AGAP9: variants seen among roughly 807,000 people sequenced by gnomAD.
AGAP9 encodes the protein arf-GAP with GTPase, ANK repeat and PH domain-containing protein 9.
Under a neutral mutation model 55.6 loss-of-function variants are expected in AGAP9, and 23 were observed. The observed-to-expected ratio is 0.41, with a 90% CI of 0.30 to 0.59. The LOEUF is 0.59. AGAP9 is among the 20% of genes least tolerant of loss of function. AGAP9 has a pLI of 0.25. For missense variants in AGAP9, 309 were observed against 808.1 expected (o/e 0.38, Z 7.49); for synonymous variants, 120 against 305.0 (o/e 0.39, Z 6.32).
intron 4 of AGAP9, among the ~76,000 whole-genome samples, chr10:47,513,094 C>T (rs1356373584): frequency 8.3e-5 from 12 of 144,924 alleles, no homozygotes; most frequent in East Asian, 2.5e-4. Context: ...GTATGCAATG[C>T]GGTGATCTTG....
chr10:47,516,569 G>A (rs1840718781), intron 4 of AGAP9, among the ~76,000 whole-genome samples: 1 of 138,250 alleles, frequency 7.2e-6, no homozygotes, highest in South Asian at 2.3e-4. Flanking sequence ...GGACTCAGGA[G>A]ATCCCACACA....
At chr10:47,504,825 GC>G (rs1414089093) in intron 6 of AGAP9, among the ~76,000 whole-genome samples, 3 of 138,934 alleles carry the variant, frequency 2.2e-5, no homozygotes, top group African/African-American at 8.0e-5. Flanking sequence ...CTTCCAGAAG[GC>G]CTAAGAGGTC....
chr10:47,502,217 C>T lies in AGAP9; in HGVS notation c.1912G>A (p.Val638Ile). 2 of 1,565,202 alleles carry T rather than the reference C, an allele frequency of 1.3e-6. No homozygotes were observed. The highest frequency in any genetic ancestry group is 1.7e-6 in the Non-Finnish European group (2 of 1,158,404). Residue 638 changes from valine (V) to isoleucine (I), a missense_variant, in exon 8 of 8, where the codon GTC (valine) becomes ATC (isoleucine). Val to Ile is a conservative substitution (Grantham distance 29). Transcript: ENST00000452145. ...LHLACRKGNV[V>I]LEQLLTGWTS... ...CACCCCGTCAGGAGCTGCTCCAGGA[C>T]CACATTCCCCTTGCGGCAGGCCAGA...
intron 5 of AGAP9, among the ~76,000 whole-genome samples, chr10:47,508,061 AT>A (rs1266179605): frequency 2.2e-5 from 3 of 133,718 alleles, no homozygotes; most frequent in African/African-American, 5.4e-5. Context: ...TGCCCAGATA[AT>A]TTTTTTTTTG....
At chr10:47,510,849 G>A (rs1330676152) in intron 4 of AGAP9, among the ~76,000 whole-genome samples, 14 of 115,970 alleles carry the variant, frequency 1.2e-4, no homozygotes, top group Non-Finnish European at 1.6e-4. Flanking sequence ...AAAAAAAAAA[G>A]AAAGAAAAGT....
intron 4 of AGAP9, among the ~76,000 whole-genome samples, chr10:47,514,251 A>G (rs1840687023): frequency 6.8e-6 from 1 of 147,418 alleles, no homozygotes; most frequent in Non-Finnish European, 1.5e-5. Flanking sequence ...ATACATACAT[A>G]TTATATATAT....
rs1247484179 is a variant in AGAP9 at position 47,510,171 on chromosome 10, G to A, written c.497C>T (p.Ser166Phe). ...IQHYLTMTII[S>F]VTLEIPHHIT... ...CCCTCGGCAGCATAGTTGTACTCAC[G>A]ATATTATTGTCATTGTAAGATAATG... The change falls in exon 5 of 8, where the codon TCT (serine) becomes TTT (phenylalanine). Residue 166 changes from serine to phenylalanine, a missense_variant and splice_region_variant. Coordinates refer to ENST00000452145, the MANE Select transcript of AGAP9 (RefSeq NM_001190810.1). 10 of 1,288,138 alleles carry A rather than the reference G, an allele frequency of 7.8e-6. 1 individual carries two copies. Among genetic ancestry groups the A allele is most frequent in the African/African-American group, 1.6e-5 (1 of 60,772 alleles). 79.8% of individuals were successfully genotyped at this position (1,288,138 alleles called of 1,614,324 possible). A position where few individuals can be genotyped will look rare whatever the true frequency, so the allele number is the denominator to read the frequency against.
intron 3 of AGAP9, among the ~76,000 whole-genome samples, chr10:47,519,396 A>G (rs1234857668): frequency 8.5e-6 from 1 of 117,216 alleles, no homozygotes; most frequent in African/African-American, 3.4e-5. Flanking sequence ...TGAACCTGGG[A>G]GATGGAGGTT....
chr10:47,502,080 C>T lies in AGAP9; in HGVS notation c.*72G>A, dbSNP rs1203833921. The T allele has an allele frequency of 8.3e-5, 130 of 1,565,338 alleles. 6 individuals are homozygous for T. Among genetic ancestry groups the T allele is most frequent in the South Asian group, 7.2e-4 (64 of 89,204 alleles). On this transcript the variant is annotated 3_prime_UTR_variant, in exon 8 of 8. Coordinates refer to ENST00000452145, the MANE Select transcript of AGAP9 (RefSeq NM_001190810.1). ...GCAGTCAAATAAAACAGATACTACA[C>T]GCACTCGTCGGGGCAGCCGTACTGC...
At chr10:47,520,946 A>AG (rs1418534768) in intron 2 of AGAP9, among the ~76,000 whole-genome samples, 3 of 123,532 alleles carry the variant, frequency 2.4e-5, no homozygotes, top group Non-Finnish European at 4.8e-5. Context: ...TTTAAAAGAC[A>AG]GTCTATTTTA....
chr10:47,506,381 G>A (rs1230523995), intron 6 of AGAP9, among the ~76,000 whole-genome samples: 27 of 135,808 alleles, frequency 2.0e-4, no homozygotes, highest in East Asian at 1.3e-3. Context: ...CCCAGGCTGG[G>A]GTGCAATGGC....
intron 6 of AGAP9, among the ~76,000 whole-genome samples, chr10:47,506,786 C>T (rs1840488119): frequency 1.4e-5 from 2 of 144,128 alleles, no homozygotes; most frequent in Admixed American, 7.1e-5. Context: ...ACTACAGGTG[C>T]GTGCCACCAT....
At chr10:47,514,204 T>C (rs1840685580) in intron 4 of AGAP9, among the ~76,000 whole-genome samples, 1 of 147,410 alleles carries the variant, frequency 6.8e-6, no homozygotes, top group Non-Finnish European at 1.5e-5. Flanking sequence ...CCAGCCCAAA[T>C]GCCCATCAGT....
intron 6 of AGAP9, among the ~76,000 whole-genome samples, chr10:47,506,794 C>T (rs1840488388): frequency 7.0e-6 from 1 of 143,628 alleles, no homozygotes; most frequent in African/African-American, 2.5e-5. Context: ...TGCGTGCCAC[C>T]ATGCCCAGCT....
chr10:47,502,188 C>T lies in AGAP9; in HGVS notation c.1941G>A (p.Thr647=), dbSNP rs1449303321. 28 of 1,541,428 alleles carry T rather than the reference C, an allele frequency of 1.8e-5. 5 individuals are homozygous for T. The highest frequency in any genetic ancestry group is 4.3e-5 in the African/African-American group (3 of 69,390). ...VVLEQLLTGW[T]SWPEMPTGTQ... Reference sequence around the variant, plus strand: ...TTCCCGTGGGCATCTCGGGCCATGACGTCCACCCCGTCAGGAGCTGCTCCA... The same window carrying T: ...TTCCCGTGGGCATCTCGGGCCATGATGTCCACCCCGTCAGGAGCTGCTCCA... Residue 647 remains threonine (T), a synonymous_variant, in exon 8 of 8, where the codon ACG becomes ACA. Transcript: ENST00000452145.
At chr10:47,513,340 CT>C (rs1484182578) in intron 4 of AGAP9, among the ~76,000 whole-genome samples, 1 of 142,330 alleles carries the variant, frequency 7.0e-6, no homozygotes, top group Non-Finnish European at 1.5e-5. Flanking sequence ...GCCCGATTAT[CT>C]TTTTGATATG....
intron 7 of AGAP9, among the ~76,000 whole-genome samples, chr10:47,503,937 C>CAAAAAAAAAAAAAAAAAAA (rs1186798630): frequency 4.3e-5 from 1 of 23,438 alleles, no homozygotes; most frequent in Non-Finnish European, 6.8e-5. Flanking sequence ...GAGAGTCCAT[C>CAAAAAAAAAAAAAAAAAAA]AAAAAAAAAA....
chr10:47,510,956 A>T (rs1346714743), intron 4 of AGAP9, among the ~76,000 whole-genome samples: 1 of 123,222 alleles, frequency 8.1e-6, no homozygotes, highest in Non-Finnish European at 1.7e-5. Context: ...TTATTTATTT[A>T]TTTTTGAGAC....
intron 6 of AGAP9, among the ~76,000 whole-genome samples, chr10:47,506,658 T>G (rs1840485001): frequency 7.8e-6 from 1 of 127,922 alleles, no homozygotes; most frequent in Admixed American, 8.1e-5. Flanking sequence ...TTTGTTTGTT[T>G]AGACAGAGTC....
Sources: gnomAD v4.1 joint callset for allele counts (sites outside exome capture counted in the v4.1 genomes callset) on GRCh38, gnomAD v4.1.1 for gene constraint, MANE v1.5 for transcripts, NCBI Gene and HGNC (gene_info 2026-07-23, HGNC 2026-07-21) for gene names.